Variants in UGT1A9 observed in about 807,000 individuals in gnomAD.
UGT1A9 encodes UDP glucuronosyltransferase family 1 member A9, also known as UDP-glucuronosyltransferase 1A9.
In UGT1A9, 35 loss-of-function variants were observed where a neutral mutation model predicts 45.0. That is an observed-to-expected ratio of 0.78 (90% CI 0.59 to 1.03). UGT1A9 has a LOEUF of 1.03. Among genes scored for constraint, UGT1A9 ranks in the 50% least tolerant of loss-of-function variants. The probability of loss-of-function intolerance (pLI) is 0.00; values close to 1 mark genes in which losing one functional copy is unlikely to be tolerated. For missense variants in UGT1A9, 687 were observed against 666.6 expected, an observed-to-expected ratio of 1.03 and a Z score of -0.34; for synonymous variants, 278 against 250.6, an observed-to-expected ratio of 1.11 and a Z score of -1.03.
intron 1 of UGT1A9, among the ~76,000 whole-genome samples, chr2:233,751,506 C>A (rs1237689489): frequency 1.3e-5 from 2 of 152,104 alleles, no homozygotes; most frequent in Non-Finnish European, 2.9e-5. Context: ...TTGGGAGGGG[C>A]CAGAGGGCAG....
Position 233,672,727 on chromosome 2 carries a change from G to A in UGT1A9, c.793G>A (p.Val265Met), listed in dbSNP as rs142414435. 3.8e-5 allele frequency: 61 copies of A among 1,613,854 alleles called. No homozygotes were observed. In the African/African-American group the frequency reaches 5.9e-4, roughly 16 times the overall value. Residue 265 changes from valine to methionine, a missense_variant, in exon 1 of 5, where the codon GTG becomes ATG. Coordinates refer to ENST00000354728, the MANE Select transcript of UGT1A9 (RefSeq NM_021027.3). Reference protein sequence around the residue: ...TDFVLDYPKPVMPNMIFIGGI... With the variant: ...TDFVLDYPKPMMPNMIFIGGI... ...CTTTGTTTTGGACTATCCCAAACCC[G>A]TGATGCCCAACATGATCTTCATTGG...
intron 1 of UGT1A9, among the ~76,000 whole-genome samples, chr2:233,674,268 G>GT (rs2125505422): frequency 6.6e-6 from 1 of 152,316 alleles, no homozygotes; most frequent in South Asian, 2.1e-4. Flanking sequence ...GAGGACTACA[G>GT]TTGTAGGCCT....
Position 233,690,972 on chromosome 2 carries a change from C to T in UGT1A9, c.855+18183C>T, listed in dbSNP as rs191302796. On this transcript the variant is annotated intron_variant, in intron 1 of 4. Coordinates refer to ENST00000354728, the MANE Select transcript of UGT1A9 (RefSeq NM_021027.3). Reference sequence around the variant, plus strand: ...CTGTAGGGACTTCTGGGACTAAGAACAGGACCCACATATGAGCAACAGGAT... The same window carrying T: ...CTGTAGGGACTTCTGGGACTAAGAATAGGACCCACATATGAGCAACAGGAT... 157 of 1,003,304 alleles carry T rather than the reference C, an allele frequency of 1.6e-4. 2 individuals are homozygous for T. In the Admixed American group the frequency reaches 8.5e-3, roughly 54 times the overall value. The allele number at this position is 1,003,304 out of a possible 1,614,324, so 62.2% of individuals were successfully genotyped here. A position where few individuals can be genotyped will look rare whatever the true frequency, so the allele number is the denominator to read the frequency against.
chr2:233,759,542 G>A (rs751549220), intron 1 of UGT1A9, among the ~76,000 whole-genome samples: 1 of 152,024 alleles, frequency 6.6e-6, no homozygotes, highest in Non-Finnish European at 1.5e-5. Flanking sequence ...GTTCACATGC[G>A]CTCCAGTGAA....
At chr2:233,760,138 T>C (rs2125979054) in intron 1 of UGT1A9, 1 of 1,410,406 alleles carries the variant, frequency 7.1e-7, no homozygotes, top group African/African-American at 1.4e-5. Context: ...TCTTTATCTC[T>C]GAAAGTGAAC....
chr2:233,673,945 G>C (rs1236666863), intron 1 of UGT1A9, among the ~76,000 whole-genome samples: 1 of 152,132 alleles, frequency 6.6e-6, no homozygotes, highest in African/African-American at 2.4e-5. Context: ...GAGTAATATT[G>C]TGAGAGTAGC....
At position 233,760,622 on chromosome 2, in the gene UGT1A9, C is replaced by G. The variant is rs766978023; in HGVS notation, c.856-6412C>G. The G allele has an allele frequency of 2.5e-6, 4 of 1,614,144 alleles. No individual in the cohort carries two copies. The East Asian group carries it at 8.9e-5, about 36-fold the overall frequency. ...TCTTTCCTGCAGCGTGTGATCAAAA[C>G]ATACAAGAAAATAAAAAAGGACTCT... On this transcript the variant is annotated intron_variant, in intron 1 of 4. Coordinates refer to ENST00000354728, the MANE Select transcript of UGT1A9 (RefSeq NM_021027.3).
intron 1 of UGT1A9, chr2:233,743,786 C>T: frequency 7.3e-7 from 1 of 1,367,346 alleles, no homozygotes; most frequent in Middle Eastern, 2.1e-4. Context: ...CTTGAATCTC[C>T]TCTCCGCTTC....
chr2:233,736,596 G>A lies in UGT1A9; in HGVS notation c.856-30438G>A, dbSNP rs539240501. Among the ~76,000 whole-genome samples, 13 of 152,274 alleles carry A rather than the reference G, an allele frequency of 8.5e-5. No individual in the cohort carries two copies. The East Asian group carries it at 9.6e-4, about 11-fold the overall frequency. ...TCCTTTGGAGGAGATGTGCTTATGC[G>A]CTATGGTTTTTAGAATTTTCAGCTT... On this transcript the variant is annotated intron_variant, in intron 1 of 4. Transcript: ENST00000354728.
At chr2:233,755,150 C>A (rs1325253274) in intron 1 of UGT1A9, 1 of 1,299,090 alleles carries the variant, frequency 7.7e-7, no homozygotes, top group Non-Finnish European at 1.0e-6. Flanking sequence ...TCACCGCTTC[C>A]TCCCTGTCCT....
chr2:233,747,900 C>T (rs1242605128), intron 1 of UGT1A9: 22 of 1,613,554 alleles, frequency 1.4e-5, no homozygotes, highest in Middle Eastern at 3.3e-4. Flanking sequence ...TCTTTCTGCT[C>T]CTTATGCAAG....
Position 233,672,258 on chromosome 2 carries a change from A to C in UGT1A9, c.324A>C (p.Leu108=), listed in dbSNP as rs759267504. 1 of 1,614,198 alleles carries C rather than the reference A, an allele frequency of 6.2e-7. No homozygotes were observed. The change falls in exon 1 of 5, where the codon CTA becomes CTC. Residue 108 remains leucine (L), a synonymous_variant. Coordinates refer to ENST00000354728, the MANE Select transcript of UGT1A9 (RefSeq NM_021027.3). ...WKAQVRSIYS[L]LMGSYNDIFD... ...CACAAGTACGAAGTATATATTCTCTATTAATGGGTTCATACAATGACATTT... is the reference window on the plus strand; with the variant it reads ...CACAAGTACGAAGTATATATTCTCTCTTAATGGGTTCATACAATGACATTT...
intron 1 of UGT1A9, chr2:233,718,913 G>T (rs2076699236): frequency 6.2e-7 from 1 of 1,613,958 alleles, no homozygotes; most frequent in African/African-American, 1.3e-5. Context: ...GTGGAAAGGT[G>T]TTGGTGGTGC....
Position 233,672,224 on chromosome 2 carries a change from A to C in UGT1A9, c.290A>C (p.Gln97Pro), listed in dbSNP as rs2074216284. The C allele has an allele frequency of 9.3e-6, 15 of 1,614,064 alleles. No individual in the cohort carries two copies. Among genetic ancestry groups the C allele is most frequent in the Non-Finnish European group, 1.3e-5 (15 of 1,180,028 alleles). Residue 97 changes from glutamine (Q) to proline (P), a missense_variant, in exon 1 of 5, where the codon CAA (glutamine) becomes CCA (proline). Physicochemically the swap from Gln to Pro is moderately conservative, Grantham distance 76 (BLOSUM62 -1). Transcript: ENST00000354728. ...DREFKAFAHAQWKAQVRSIYS... is the reference protein window; with the variant it reads ...DREFKAFAHAPWKAQVRSIYS... ...GAGTTCAAGGCTTTTGCCCATGCTCAATGGAAAGCACAAGTACGAAGTATA... is the reference window on the plus strand; with the variant it reads ...GAGTTCAAGGCTTTTGCCCATGCTCCATGGAAAGCACAAGTACGAAGTATA...
intron 1 of UGT1A9, among the ~76,000 whole-genome samples, chr2:233,738,389 G>A (rs1690778060): frequency 6.6e-6 from 1 of 152,226 alleles, no homozygotes; most frequent in Non-Finnish European, 1.5e-5. Context: ...AAATGTGGAA[G>A]TGACTTGGAA....
At chr2:233,749,443 T>C (rs551988322) in intron 1 of UGT1A9, among the ~76,000 whole-genome samples, 4 of 151,902 alleles carry the variant, frequency 2.6e-5, no homozygotes, top group Non-Finnish European at 5.9e-5. Flanking sequence ...GTCATCTCAG[T>C]GGAGCAGAAC....
At chr2:233,708,864 A>C (rs751594511) in intron 1 of UGT1A9, among the ~76,000 whole-genome samples, 39 of 148,722 alleles carry the variant, frequency 2.6e-4, no homozygotes, top group Non-Finnish European at 4.3e-4. Flanking sequence ...AATCTCTTTT[A>C]TTGGTTCACA....
At chr2:233,762,775 C>T (rs1417742267) in intron 1 of UGT1A9, among the ~76,000 whole-genome samples, 1 of 151,182 alleles carries the variant, frequency 6.6e-6, no homozygotes, top group African/African-American at 2.4e-5. Context: ...CTATCTCTAG[C>T]TGATTATCTA....
chr2:233,753,001 T>C (rs1372117630), intron 1 of UGT1A9, among the ~76,000 whole-genome samples: 3 of 151,962 alleles, frequency 2.0e-5, no homozygotes, highest in African/African-American at 7.3e-5. Context: ...CATTCTATCC[T>C]ACCCAGAGTG....
Sources: allele counts gnomAD v4.1 joint callset (sites outside exome capture counted in the v4.1 genomes callset), GRCh38; gene constraint gnomAD v4.1.1; transcripts MANE v1.5; gene names NCBI Gene and HGNC (gene_info 2026-07-23, HGNC 2026-07-21).